SNX7: variants seen among roughly 807,000 people sequenced by gnomAD.
The protein encoded by SNX7 is sorting nexin-7.
SNX7 carries 35 observed loss-of-function variants against 48.4 expected under a neutral mutation model. The ratio of observed to expected loss-of-function variants is 0.72; its 90% CI spans 0.55 to 0.96. The LOEUF (loss-of-function observed/expected upper bound fraction) is 0.96, where lower values mean the gene tolerates loss of function less well. Among genes scored for constraint, SNX7 ranks in the 40% least tolerant of loss-of-function variants. The probability of loss-of-function intolerance (pLI) is 0.00; values close to 1 mark genes in which losing one functional copy is unlikely to be tolerated. For missense variants in SNX7, 553 were observed against 548.9 expected (o/e 1.01, Z -0.07); for synonymous variants, 190 against 190.2 (o/e 1.00, Z 0.01).
chr1:98,704,442 ATAAT>A (rs1232798961), intron 7 of SNX7, among the ~76,000 whole-genome samples: 2 of 152,286 alleles, frequency 1.3e-5, no homozygotes, highest in African/African-American at 4.8e-5. Flanking sequence ...ATATTTTCAA[ATAAT>A]TAATTTGTTT....
chr1:98,707,523 T>C (rs1652071534), intron 7 of SNX7, among the ~76,000 whole-genome samples: 1 of 152,188 alleles, frequency 6.6e-6, no homozygotes, highest in African/African-American at 2.4e-5. Context: ...GAGCTTCTGT[T>C]TGAAAATGCT....
intron 8 of SNX7, among the ~76,000 whole-genome samples, chr1:98,750,143 ATGTC>A (rs1206820421): frequency 6.6e-6 from 1 of 151,900 alleles, no homozygotes; most frequent in Non-Finnish European, 1.5e-5. Flanking sequence ...TATTAGGTAA[ATGTC>A]TAGTTATTTT....
intron 1 of SNX7, among the ~76,000 whole-genome samples, chr1:98,668,247 C>G (rs1363977661): frequency 6.6e-6 from 1 of 152,138 alleles, no homozygotes; most frequent in African/African-American, 2.4e-5. Context: ...GACTGAAAAA[C>G]CAGTATACAC....
At chr1:98,753,431 C>T (rs963930102) in intron 8 of SNX7, among the ~76,000 whole-genome samples, 2 of 151,972 alleles carry the variant, frequency 1.3e-5, no homozygotes, top group Non-Finnish European at 2.9e-5. Context: ...AAACTAGTAT[C>T]GTTAATGCAG....
At chr1:98,676,271 A>G (rs1376369254) in intron 1 of SNX7, among the ~76,000 whole-genome samples, 1 of 152,128 alleles carries the variant, frequency 6.6e-6, no homozygotes, top group South Asian at 2.1e-4. Context: ...TTAAGTCACT[A>G]TGTTGTATTC....
rs114666783 is a variant in SNX7 at position 98,752,450 on chromosome 1, G to T, written c.1279-7604G>T. 3.7e-3 allele frequency among the ~76,000 whole-genome samples: 567 copies of T among 152,080 alleles called. 6 individuals carry two copies. The highest frequency in any genetic ancestry group is 0.013 in the African/African-American group (531 of 41,540). On this transcript the variant is annotated intron_variant, in intron 8 of 8. Coordinates refer to ENST00000306121, the MANE Select transcript of SNX7 (RefSeq NM_015976.5). ...CTATCAAGAATCCCAAAGTGATCTGGTAGCGTCAGGAGCTGCATAGTTCAA... is the reference window on the plus strand; with the variant it reads ...CTATCAAGAATCCCAAAGTGATCTGTTAGCGTCAGGAGCTGCATAGTTCAA...
At chr1:98,747,365 G>T (rs957494317) in intron 8 of SNX7, among the ~76,000 whole-genome samples, 10 of 152,142 alleles carry the variant, frequency 6.6e-5, no homozygotes, top group African/African-American at 2.4e-4. Context: ...AAAGTAATCA[G>T]TTGGAATCTT....
chr1:98,691,643 C>T lies in SNX7; in HGVS notation c.583C>T (p.His195Tyr). Residue 195 changes from histidine (H) to tyrosine (Y), a missense_variant, in exon 4 of 9, where the codon CAT becomes TAT. Physicochemically the swap from His to Tyr is moderately conservative, Grantham distance 83. Transcript: ENST00000306121. ...LHKFLNRIAD[H>Y]PTLTFNEDFK... ...TAAATTTTTGAACCGAATTGCTGAT[C>T]ATCCAACTTTAACATTTAATGAAGA... The T allele has an allele frequency of 6.2e-7, 1 of 1,610,466 alleles. No homozygotes were observed. The highest frequency in any genetic ancestry group is 1.3e-5 in the African/African-American group (1 of 74,826).
chr1:98,710,617 C>G (rs1652251994), intron 7 of SNX7, among the ~76,000 whole-genome samples: 1 of 152,132 alleles, frequency 6.6e-6, no homozygotes, highest in African/African-American at 2.4e-5. Context: ...GTTTAAATAG[C>G]TTTCATATAT....
At chr1:98,663,161 G>A (rs1200816233) in intron 1 of SNX7, among the ~76,000 whole-genome samples, 1 of 150,162 alleles carries the variant, frequency 6.7e-6, no homozygotes, top group Non-Finnish European at 1.5e-5. Flanking sequence ...GTTTGGATAA[G>A]GAATATTAGT....
intron 7 of SNX7, among the ~76,000 whole-genome samples, chr1:98,732,489 G>A (rs1483335150): frequency 6.6e-6 from 1 of 152,054 alleles, no homozygotes; most frequent in Non-Finnish European, 1.5e-5. Flanking sequence ...CATAAGATAA[G>A]GTGAACATAG....
At chr1:98,692,493 A>G (rs1651194706) in intron 4 of SNX7, among the ~76,000 whole-genome samples, 1 of 152,136 alleles carries the variant, frequency 6.6e-6, no homozygotes, top group Admixed American at 6.5e-5. Flanking sequence ...CACTAGTGGC[A>G]CTTCATATGG....
chr1:98,756,485 G>T lies in SNX7; in HGVS notation c.1279-3569G>T, dbSNP rs115028821. On this transcript the variant is annotated intron_variant, in intron 8 of 8. Transcript: ENST00000306121. ...GTGTGTTCTGCTGGTGATAAATTTT[G>T]CAGATAATGAATTAAGTGATTTTCC... is the stretch of plus-strand genomic sequence containing the variant. 4.3e-3 allele frequency among the ~76,000 whole-genome samples: 481 copies of T among 112,436 alleles called. 5 individuals carry two copies. The highest frequency in any genetic ancestry group is 0.015 in the African/African-American group (449 of 29,580). 73.8% of individuals were successfully genotyped at this position (112,436 alleles called of 152,430 possible).
intron 1 of SNX7, among the ~76,000 whole-genome samples, chr1:98,681,634 A>G (rs1650495626): frequency 6.6e-6 from 1 of 152,226 alleles, no homozygotes; most frequent in South Asian, 2.1e-4. Flanking sequence ...CTATACCATA[A>G]TAGAAAGTGA....
At chr1:98,739,720 G>A (rs546450860) in intron 8 of SNX7, among the ~76,000 whole-genome samples, 1 of 152,294 alleles carries the variant, frequency 6.6e-6, no homozygotes, top group Non-Finnish European at 1.5e-5. Flanking sequence ...TTGGAGCAGA[G>A]AAAACACATG....
upstream of SNX7, chr1:98,661,682 G>T: frequency 8.4e-7 from 1 of 1,193,714 alleles, no homozygotes; most frequent in Non-Finnish European, 1.0e-6. Flanking sequence ...ACGCTCGGGG[G>T]AGCCGGGCTG....
rs572143153 is a variant in SNX7 at position 98,681,464 on chromosome 1, G to A, written c.181-3421G>A. ...TTTAAAGCAGTAGAAGAATGAAAAT[G>A]TAATCATAATTCACTATATGGCTTG... On this transcript the variant is annotated intron_variant, in intron 1 of 8. Coordinates refer to ENST00000306121, the MANE Select transcript of SNX7 (RefSeq NM_015976.5). Among the ~76,000 whole-genome samples the A allele has an allele frequency of 7.9e-5, 12 of 152,252 alleles. No individual in the cohort carries two copies. The East Asian group carries it at 9.6e-4, about 12-fold the overall frequency.
Position 98,695,525 on chromosome 1 carries a change from C to G in SNX7, c.647C>G (p.Ser216Cys). The G allele has an allele frequency of 1.2e-6, 2 of 1,613,470 alleles. No individual in the cohort carries two copies. Among genetic ancestry groups the G allele is most frequent in the East Asian group, 2.2e-5 (1 of 44,864 alleles). ...IFLTAQAWEL[S>C]SHKKQGPGLL... ...TTGGTTTTTTGTTTCTAGGAACTCTCTTCTCACAAGAAGCAAGGTCCTGGC... is the reference window on the plus strand; with the variant it reads ...TTGGTTTTTTGTTTCTAGGAACTCTGTTCTCACAAGAAGCAAGGTCCTGGC... The change falls in exon 5 of 9, where the codon TCT (serine) becomes TGT (cysteine). Residue 216 changes from serine (S) to cysteine (C), a missense_variant. Coordinates refer to ENST00000306121, the MANE Select transcript of SNX7 (RefSeq NM_015976.5).
intron 1 of SNX7, among the ~76,000 whole-genome samples, chr1:98,670,773 TTTGGAAAGGGGA>T (rs1305811309): frequency 6.6e-6 from 1 of 152,112 alleles, no homozygotes; most frequent in Non-Finnish European, 1.5e-5. Context: ...CATGCCTGTA[TTTGGAAAGGGGA>T]TTGGATGTTG....
Sources: gnomAD v4.1 joint callset for allele counts (sites outside exome capture counted in the v4.1 genomes callset) on GRCh38, gnomAD v4.1.1 for gene constraint, MANE v1.5 for transcripts, NCBI Gene and HGNC (gene_info 2026-07-23, HGNC 2026-07-21) for gene names.